MAP3K15: variants seen among roughly 807,000 people sequenced by gnomAD.
MAP3K15 encodes mitogen-activated protein kinase kinase kinase 15.
MAP3K15 carries 124 observed loss-of-function variants against 99.5 expected under a neutral mutation model. That is an observed-to-expected ratio of 1.25 (90% CI 1.08 to 1.45). The LOEUF is 1.45. Among genes scored for constraint, MAP3K15 ranks in the 40% most tolerant of loss-of-function variants. The pLI is 0.00. For synonymous variants in MAP3K15, 494 were observed against 439.6 expected (o/e 1.12, Z -1.55); for missense variants, 1,242 against 1,079.7 (o/e 1.15, Z -2.11).
At chrX:19,513,557 T>TC (rs1200846500) in intron 1 of MAP3K15, among the ~76,000 whole-genome samples, 7 of 110,885 alleles carry the variant, frequency 6.3e-5, no homozygotes, top group South Asian at 3.8e-4. Context: ...CAAGCCTGAC[T>TC]CCCCCCCTAC....
At chrX:19,408,331 A>G (rs1569213709) in intron 12 of MAP3K15, among the ~76,000 whole-genome samples, 1 of 112,124 alleles carries the variant, frequency 8.9e-6, no homozygotes, top group East Asian at 2.8e-4. Flanking sequence ...ACCTGCTCTA[A>G]CACAACTTAA....
chrX:19,419,275 T>C (rs1454671055), intron 9 of MAP3K15, among the ~76,000 whole-genome samples: 1 of 111,180 alleles, frequency 9.0e-6, no homozygotes. Context: ...CCCATCAGTG[T>C]GCTGTATTCA....
chrX:19,496,989 T>C (rs1030194963), intron 1 of MAP3K15: 1 of 110,733 alleles, frequency 9.0e-6, no homozygotes, highest in African/African-American at 3.3e-5. Flanking sequence ...TTTCCTTTTT[T>C]TCATGTACCA....
chrX:19,498,702 C>T (rs1227433459), intron 1 of MAP3K15, among the ~76,000 whole-genome samples: 1 of 112,032 alleles, frequency 8.9e-6, no homozygotes, highest in Non-Finnish European at 1.9e-5. Flanking sequence ...CTCAAAGTGC[C>T]TGGGGGCACT....
chrX:19,450,822 T>G, intron 6 of MAP3K15, among the ~76,000 whole-genome samples: 1 of 109,277 alleles, frequency 9.2e-6, no homozygotes, highest in Middle Eastern at 4.8e-3. Context: ...AAGCAAATAT[T>G]TTTTTAAAAG....
chrX:19,429,799 A>AGAGGGAGG (rs2063865869), intron 7 of MAP3K15, among the ~76,000 whole-genome samples: 2 of 85,239 alleles, frequency 2.3e-5, no homozygotes, highest in Non-Finnish European at 4.2e-5. Flanking sequence ...AGAGAGAGAG[A>AGAGGGAGG]GAGAGAGAGA....
intron 11 of MAP3K15, among the ~76,000 whole-genome samples, chrX:19,410,716 C>A (rs917595523): frequency 8.9e-6 from 1 of 111,920 alleles, no homozygotes; most frequent in Non-Finnish European, 1.9e-5. Flanking sequence ...GGATTTCAAA[C>A]AGCACCCAAG....
At chrX:19,462,753 C>T (rs1033630416) in intron 4 of MAP3K15, among the ~76,000 whole-genome samples, 5 of 111,678 alleles carry the variant, frequency 4.5e-5, no homozygotes, top group Admixed American at 1.9e-4. Flanking sequence ...TCAAAATAGA[C>T]TTTATAAATC....
chrX:19,443,930 T>C (rs1352627602), intron 6 of MAP3K15, among the ~76,000 whole-genome samples: 9 of 110,959 alleles, frequency 8.1e-5, no homozygotes, highest in Non-Finnish European at 1.5e-4. Context: ...CAAGAAGCCT[T>C]CCCCCAAATA....
rs746884128 is a variant in MAP3K15 at position 19,512,428 on chromosome X, G to T, written c.361+2473C>A. Among the ~76,000 whole-genome samples, 5 of 111,909 alleles carry T rather than the reference G, an allele frequency of 4.5e-5. No individual in the cohort carries two copies. The South Asian group carries it at 1.9e-3, about 42-fold the overall frequency. Reference sequence around the variant, plus strand: ...CCTTCTGAGATGAGGAAAGAGTTCTGTAACTTCACTGTCCCACCTGGGAGT... The same window carrying T: ...CCTTCTGAGATGAGGAAAGAGTTCTTTAACTTCACTGTCCCACCTGGGAGT... On this transcript the variant is annotated intron_variant, in intron 1 of 28. Coordinates refer to ENST00000338883, the MANE Select transcript of MAP3K15 (RefSeq NM_001001671.4).
At chrX:19,376,901 GAAAAAA>G (rs1406180480) in intron 19 of MAP3K15, 1 of 100,156 alleles carries the variant, frequency 1.0e-5, no homozygotes, top group Non-Finnish European at 2.0e-5. Flanking sequence ...ATTTAAAAAA[GAAAAAA>G]AAAAAGTCCA....
intron 16 of MAP3K15, among the ~76,000 whole-genome samples, chrX:19,394,663 A>C (rs1004195803): frequency 9.0e-6 from 1 of 111,255 alleles, no homozygotes; most frequent in African/African-American, 3.3e-5. Context: ...GCCAAAGACT[A>C]TGTTTTCTCC....
rs775822591 is a variant in MAP3K15 at position 19,392,422 on chromosome X, G to A, written c.2246C>T (p.Thr749Ile). 8.3e-7 allele frequency: 1 copy of A among 1,209,033 alleles called. No individual in the cohort carries two copies. Among genetic ancestry groups the A allele is most frequent in the African/African-American group, 1.7e-5 (1 of 57,148 alleles). The change falls in exon 17 of 29, where the codon ACA becomes ATA. Residue 749 changes from threonine to isoleucine, a missense_variant. Physicochemically the swap from Thr to Ile is moderately conservative, Grantham distance 89. Coordinates refer to ENST00000338883, the MANE Select transcript of MAP3K15 (RefSeq NM_001001671.4). Reference protein sequence around the residue: ...RSKWGPMKEPTIKFYTKQILE... With the variant: ...RSKWGPMKEPIIKFYTKQILE... ...GATCTGTTTGGTGTAAAACTTGATT[G>A]TCGGTTCCTTCATCGGCCCCCATTT... is the stretch of plus-strand genomic sequence containing the variant.
Position 19,515,214 on chromosome X carries a change from C to T in MAP3K15, c.48G>A (p.Ala16=). The change falls in exon 1 of 29, where the codon GCG becomes GCA. Residue 16 remains alanine, a synonymous_variant. Transcript: ENST00000338883. Reference sequence around the variant, plus strand: ...GCGGCGGGCACTGAGGGGACTCGCTCGCCGCCCCGAGGGCCCCGGCCGGAG... The same window carrying T: ...GCGGCGGGCACTGAGGGGACTCGCTTGCCGCCCCGAGGGCCCCGGCCGGAG... ...GNAPAGALGA[A]SESPQCPPPP... is the part of the protein sequence containing the mutation. 1.1e-6 allele frequency: 1 copy of T among 888,381 alleles called. No individual in the cohort carries two copies. The highest frequency in any genetic ancestry group is 6.0e-5 in the South Asian group (1 of 16,750). 73.2% of individuals were successfully genotyped at this position (888,381 alleles called of 1,213,427 possible).
At chrX:19,474,545 G>GGC (rs2064228656) in intron 3 of MAP3K15, among the ~76,000 whole-genome samples, 1 of 97,166 alleles carries the variant, frequency 1.0e-5, no homozygotes, top group Non-Finnish European at 2.1e-5. Flanking sequence ...TTGGAGGTTG[G>GGC]GGGGGGGGGT....
chrX:19,411,780 G>A (rs909284589), intron 11 of MAP3K15, among the ~76,000 whole-genome samples: 2 of 111,408 alleles, frequency 1.8e-5, no homozygotes, highest in African/African-American at 6.5e-5. Context: ...CACGTTCGGG[G>A]ACCAACAAAG....
intron 6 of MAP3K15, among the ~76,000 whole-genome samples, chrX:19,434,224 GTTTTT>G (rs765400854): frequency 9.6e-6 from 1 of 103,920 alleles, no homozygotes; most frequent in Non-Finnish European, 1.9e-5. Flanking sequence ...TTGGTAATAG[GTTTTT>G]TTTGTTTTTT....
intron 6 of MAP3K15, among the ~76,000 whole-genome samples, chrX:19,438,444 T>C (rs2063937577): frequency 8.9e-6 from 1 of 111,926 alleles, no homozygotes; most frequent in South Asian, 3.7e-4. Context: ...AACACAACAC[T>C]GGATTGGGAA....
At chrX:19,378,834 A>T (rs1035624811) in intron 19 of MAP3K15, among the ~76,000 whole-genome samples, 2 of 111,420 alleles carry the variant, frequency 1.8e-5, no homozygotes, top group Non-Finnish European at 3.8e-5. Flanking sequence ...CCCCACCCGC[A>T]ATGCTCAATC....
Sources: allele counts gnomAD v4.1 joint callset (sites outside exome capture counted in the v4.1 genomes callset), GRCh38; gene constraint gnomAD v4.1.1; transcripts MANE v1.5; gene names NCBI Gene and HGNC (gene_info 2026-07-23, HGNC 2026-07-21).